Variants in PHRF1 observed in about 807,000 individuals in gnomAD.
PHRF1 encodes the protein PHD and RING finger domain-containing protein 1.
In PHRF1, 53 loss-of-function variants were observed where a neutral mutation model predicts 128.9. The ratio of observed to expected loss-of-function variants is 0.41; its 90% CI spans 0.33 to 0.52. The LOEUF (loss-of-function observed/expected upper bound fraction) is 0.52, where lower values mean the gene tolerates loss of function less well. PHRF1 is among the 20% of genes least tolerant of loss of function. The pLI is 0.21. For synonymous variants in PHRF1, 1,178 were observed against 980.6 expected, an observed-to-expected ratio of 1.20 and a Z score of -3.76; for missense variants, 2,503 against 2,284.5, an observed-to-expected ratio of 1.10 and a Z score of -1.95.
rs2132990773 is a variant in PHRF1, at chr11:597,417, G to A, written c.741G>A (p.Glu247=). 6.2e-7 allele frequency: 1 copy of A among 1,613,018 alleles called. No homozygotes were observed. ...CAGATGCGGGTCCCGTGAGTGAGGA[G>A]GAGGTCTCCCTGCTCTTGGCTGATG... is the stretch of plus-strand genomic sequence containing the variant. ...LAADAGPVSE[E]EVSLLLADVV... is the part of the protein sequence containing the mutation. Residue 247 remains glutamate, a synonymous_variant, in exon 8 of 18, where the codon GAG becomes GAA. Transcript: ENST00000264555. This position sits in a 1 kb window ranked among gnomAD's most constrained non-coding sequence, Gnocchi z 6.5.
At chr11:582,206 C>T (rs566200561) in intron 3 of PHRF1, 125 bp downstream of exon 3, 28 of 1,391,400 alleles carry the variant, frequency 2.0e-5, no homozygotes, top group Admixed American at 5.6e-5. Context: ...CGGTCACCTA[C>T]GGTGAGGCCT....
chr11:591,063 C>T (rs1854942247), intron 4 of PHRF1, among the ~76,000 whole-genome samples: 1 of 152,222 alleles, frequency 6.6e-6, no homozygotes, highest in Non-Finnish European at 1.5e-5. Context: ...GAAAAGTTAG[C>T]AGAAGACTTG....
At chr11:591,501 G>C (rs1051778212) in intron 5 of PHRF1, 34 bp downstream of exon 5, 1 of 1,549,370 alleles carries the variant, frequency 6.5e-7, no homozygotes, top group African/African-American at 1.4e-5. Flanking sequence ...GGCCCCAGCC[G>C]TGCTTCTATC....
chr11:577,308 G>T (rs1038303906), intron 1 of PHRF1, among the ~76,000 whole-genome samples: 1 of 152,242 alleles, frequency 6.6e-6, no homozygotes, highest in African/African-American at 2.4e-5. Flanking sequence ...TCCTTTTGAC[G>T]GGGCTTGTGT....
At chr11:586,136 C>T (rs1227082241) in intron 3 of PHRF1, among the ~76,000 whole-genome samples, 1 of 152,212 alleles carries the variant, frequency 6.6e-6, no homozygotes, top group African/African-American at 2.4e-5. Flanking sequence ...ACTAGGATTA[C>T]AGGCTTGAGC....
Position 587,398 on chromosome 11 carries a change from G to A in PHRF1, c.354G>A (p.Gln118=), listed in dbSNP as rs978640562. 1.9e-6 allele frequency: 3 copies of A among 1,613,798 alleles called. No homozygotes were observed. In the African/African-American group the frequency reaches 4.0e-5, roughly 22 times the overall value. The change falls in exon 4 of 18, where the codon CAG becomes CAA. Residue 118 remains glutamine (Q), a synonymous_variant. Transcript: ENST00000264555. ...CPICLNAFRD[Q]AVGTPENCAH... ...TCTGTCTCAACGCATTCAGAGACCA[G>A]GCCGTGGGGACGCCGGAGAACTGTG...
At position 605,591 on chromosome 11, in the gene PHRF1, G is replaced by A. The variant is rs1456460999; in HGVS notation, c.1335-14G>A. 1.2e-6 allele frequency: 2 copies of A among 1,612,446 alleles called. No homozygotes were observed. Among genetic ancestry groups the A allele is most frequent in the Non-Finnish European group, 1.7e-6 (2 of 1,179,256 alleles). Reference sequence around the variant, plus strand: ...GAGTCACTTGTTCCCTTTGGCCTGTGTCCTCCCCTCTAGCAGTGAAGAGCT... The same window carrying A: ...GAGTCACTTGTTCCCTTTGGCCTGTATCCTCCCCTCTAGCAGTGAAGAGCT... On this transcript the variant is annotated splice_polypyrimidine_tract_variant and intron_variant, in intron 11 of 17. Transcript: ENST00000264555.
At position 588,594 on chromosome 11, in the gene PHRF1, G is replaced by A. The variant is rs570222564; in HGVS notation, c.420+1130G>A. On this transcript the variant is annotated intron_variant, in intron 4 of 17. Coordinates refer to ENST00000264555, the MANE Select transcript of PHRF1 (RefSeq NM_001286581.2). ...GGGTTTCACCATGTTGGTCAGGCTG[G>A]TCTTGAACTCCCAACCTCAGGTGAT... 8.6e-5 allele frequency among the ~76,000 whole-genome samples: 13 copies of A among 151,990 alleles called. No homozygotes were observed. In the South Asian group the frequency reaches 2.1e-3, roughly 24 times the overall value.
intron 10 of PHRF1, among the ~76,000 whole-genome samples, chr11:603,731 T>G (rs769056395): frequency 8.4e-4 from 40 of 47,702 alleles, no homozygotes; most frequent in Non-Finnish European, 1.8e-3. Flanking sequence ...TTAAGTTTGT[T>G]TTTTTTTTTT....
chr11:597,018 C>T lies in PHRF1; in HGVS notation c.716C>T (p.Ala239Val), dbSNP rs753494482. The stretch of plus-strand genomic sequence containing the variant: ...GCTGCGCCTGGTGTTGTCCTTGCCG[C>T]TGGTAAGGACACTGCTCCCGTCCCA... ...ECAAPGVVLA[A>V]DAGPVSEEEV... Residue 239 changes from alanine to valine, a missense_variant and splice_region_variant, in exon 7 of 18, where the codon GCT (alanine) becomes GTT (valine). By Grantham distance (64) the Ala-to-Val change is moderately conservative. Transcript: ENST00000264555. The surrounding 1 kb of genome is among the most constrained non-coding windows in gnomAD (Gnocchi z 6.5). The T allele has an allele frequency of 1.5e-5, 24 of 1,613,390 alleles. No individual in the cohort carries two copies. The highest frequency in any genetic ancestry group is 3.3e-5 in the Admixed American group (2 of 59,986).
intron 9 of PHRF1, among the ~76,000 whole-genome samples, chr11:600,282 A>C (rs1855550769): frequency 6.8e-6 from 1 of 147,852 alleles, no homozygotes; most frequent in Non-Finnish European, 1.5e-5. Context: ...ACAGGATCTC[A>C]TCTTGCCCAG....
At position 596,910 on chromosome 11, in the gene PHRF1, C is replaced by T; in HGVS notation, c.621-13C>T. 3 of 1,612,182 alleles carry T rather than the reference C, an allele frequency of 1.9e-6. No individual in the cohort carries two copies. The highest frequency in any genetic ancestry group is 2.5e-6 in the Non-Finnish European group (3 of 1,178,358). ...GCAGCACCCGGATGCTTTGGCCCTG[C>T]TCTCTCCTGTAGGTACCACATGGAA... is the stretch of plus-strand genomic sequence containing the variant. On this transcript the variant is annotated splice_polypyrimidine_tract_variant and intron_variant, in intron 6 of 17. Transcript: ENST00000264555.
chr11:582,969 G>C (rs1193066889), intron 3 of PHRF1, among the ~76,000 whole-genome samples: 1 of 151,388 alleles, frequency 6.6e-6, no homozygotes, highest in African/African-American at 2.4e-5. Context: ...AGGAGGTGGA[G>C]GTTGCAGTGA....
In PHRF1 at chr11:608,974, G is replaced by C. The variant is rs1307810953; in HGVS notation, c.3518G>C (p.Arg1173Pro). The change falls in exon 14 of 18, where the codon CGG becomes CCG. Residue 1173 changes from arginine to proline, a missense_variant. Coordinates refer to ENST00000264555, the MANE Select transcript of PHRF1 (RefSeq NM_001286581.2). ...SRSPSSEHRA[R>P]EHRRPRSREK... ...TCCCCAAGCTCGGAGCACAGGGCAC[G>C]GGAGCACAGGCGGCCTCGGTCCCGT... 1 of 1,609,510 alleles carries C rather than the reference G, an allele frequency of 6.2e-7. No homozygotes were observed. Among genetic ancestry groups the C allele is most frequent in the East Asian group, 2.2e-5 (1 of 44,704 alleles).
At chr11:591,516 C>T (rs753391924) in intron 5 of PHRF1, 49 bp downstream of exon 5, 39 of 1,445,988 alleles carry the variant, frequency 2.7e-5, no homozygotes, top group Non-Finnish European at 3.5e-5. Context: ...TCTATCCCGG[C>T]CCTGTGGGAC....
chr11:606,974 C>G lies in PHRF1; in HGVS notation c.1610-92C>G, dbSNP rs12421174. On this transcript the variant is annotated intron_variant, in intron 13 of 17. Transcript: ENST00000264555. ...CAGACAGGAGTTTAAAGCGCACGAC[C>G]TCACAGAAAACCAGTTGTGATAAAA... 9.1e-3 allele frequency: 13,699 copies of G among 1,506,006 alleles called. 301 individuals are homozygous for G. In the Admixed American group the frequency reaches 0.1, roughly 11 times the overall value. The allele number at this position is 1,506,006 out of a possible 1,614,324, so 93.3% of individuals were successfully genotyped here. A position where few individuals can be genotyped will look rare whatever the true frequency, so the allele number is the denominator to read the frequency against.
At position 601,611 on chromosome 11, in the gene PHRF1, G is replaced by A. The variant is rs747974960; in HGVS notation, c.1062G>A (p.Pro354=). The change falls in exon 10 of 18, where the codon CCG becomes CCA. Residue 354 remains proline (P), a synonymous_variant. Coordinates refer to ENST00000264555, the MANE Select transcript of PHRF1 (RefSeq NM_001286581.2). ...AAGTGCCGGGAAGAAAGAAAACCCC[G>A]TCCGGACCATCCGCAAAAAGTAAGA... is the stretch of plus-strand genomic sequence containing the variant. ...RKKVPGRKKT[P]SGPSAKSKSS... is the part of the protein sequence containing the mutation. The A allele has an allele frequency of 6.8e-6, 11 of 1,613,582 alleles. No individual in the cohort carries two copies. The highest frequency in any genetic ancestry group is 2.7e-5 in the African/African-American group (2 of 74,850).
At chr11:583,649 G>A (rs1298836820) in intron 3 of PHRF1, among the ~76,000 whole-genome samples, 2 of 152,134 alleles carry the variant, frequency 1.3e-5, no homozygotes, top group Admixed American at 6.5e-5. Context: ...TCTCAGCTAC[G>A]CAGGAGGCTG....
In PHRF1 at chr11:611,042, A is replaced by G; in HGVS notation, c.4766A>G (p.Lys1589Arg). Reference sequence around the variant, plus strand: ...TTCTACCAGAAGAGGGAGGTGACCAAGGAGGAGTACAAGGACATCCTGCGC... The same window carrying G: ...TTCTACCAGAAGAGGGAGGTGACCAGGGAGGAGTACAAGGACATCCTGCGC... Reference protein sequence around the residue: ...KPFYQKREVTKEEYKDILRKA... With the variant: ...KPFYQKREVTREEYKDILRKA... The change falls in exon 17 of 18, where the codon AAG (lysine) becomes AGG (arginine). Residue 1589 changes from lysine to arginine, a missense_variant. Lys to Arg is a conservative substitution (Grantham distance 26). Transcript: ENST00000264555. The G allele has an allele frequency of 6.2e-7, 1 of 1,613,388 alleles. No homozygotes were observed. The highest frequency in any genetic ancestry group is 8.5e-7 in the Non-Finnish European group (1 of 1,179,790).
Sources: allele counts gnomAD v4.1 joint callset (sites outside exome capture counted in the v4.1 genomes callset), GRCh38; gene constraint gnomAD v4.1.1; non-coding constraint Gnocchi (gnomAD v3.1); transcripts MANE v1.5; gene names NCBI Gene and HGNC (gene_info 2026-07-23, HGNC 2026-07-21).